Variants in RCBTB1 observed in about 807,000 individuals in gnomAD.
The protein encoded by RCBTB1 is RCC1 and BTB domain containing protein 1.
Under a neutral mutation model 62.4 loss-of-function variants are expected in RCBTB1, and 46 were observed. The ratio of observed to expected loss-of-function variants is 0.74; its 90% CI spans 0.58 to 0.94. RCBTB1 has a LOEUF of 0.94. Ranked by LOEUF, RCBTB1 falls within the 40% of genes least tolerant of loss-of-function variation. The pLI is 0.00. For synonymous variants in RCBTB1, 222 were observed against 245.8 expected (o/e 0.90, Z 0.91); for missense variants, 565 against 654.9 (o/e 0.86, Z 1.50).
intron 12 of RCBTB1, among the ~76,000 whole-genome samples, chr13:49,535,921 G>A (rs774059699): frequency 6.6e-6 from 1 of 151,868 alleles, no homozygotes; most frequent in African/African-American, 2.4e-5. Context: ...TACTCAGGAA[G>A]CTGAGGCAGG....
chr13:49,562,806 T>A (rs1179629361), intron 4 of RCBTB1, among the ~76,000 whole-genome samples: 1,017 of 74,196 alleles, frequency 0.014, 20 homozygotes, highest in African/African-American at 0.05. Context: ...TTTTTTTTTT[T>A]AAGAGACATG....
At chr13:49,564,763 C>T (rs1266074698) in intron 4 of RCBTB1, among the ~76,000 whole-genome samples, 13 of 151,434 alleles carry the variant, frequency 8.6e-5, no homozygotes, top group South Asian at 4.2e-4. Flanking sequence ...TGGTGGCGGG[C>T]GCCAGTAGTC....
chr13:49,536,279 A>G (rs574690415), intron 12 of RCBTB1, among the ~76,000 whole-genome samples: 1 of 152,344 alleles, frequency 6.6e-6, no homozygotes, highest in East Asian at 1.9e-4. Flanking sequence ...TGGTTGAGGC[A>G]GATCTATGTA....
At chr13:49,574,667 A>G (rs1237611150) in intron 2 of RCBTB1, among the ~76,000 whole-genome samples, 1 of 147,024 alleles carries the variant, frequency 6.8e-6, no homozygotes, top group South Asian at 2.2e-4. Context: ...GCTATAGAAA[A>G]CCAGATGGTG....
In RCBTB1 at chr13:49,565,658, TGCCCGGCCGCCCCGTCTGA is replaced by T. The variant is rs796230496; in HGVS notation, c.277+941_277+959del. ...CCGTCTGGGAGGTGAGGAGCGTCTC[TGCCCGGCCGCCCCGTCTGA>T]GAAGTGAGGAGCCCCTCCACCCGGC... On this transcript the variant is annotated intron_variant, in intron 4 of 12. Coordinates refer to ENST00000378302, the MANE Select transcript of RCBTB1 (RefSeq NM_018191.4). Among the ~76,000 whole-genome samples, 437 of 89,992 alleles carry T rather than the reference TGCCCGGCCGCCCCGTCTGA, an allele frequency of 4.9e-3. 53 individuals are homozygous for T. Among genetic ancestry groups the T allele is most frequent in the African/African-American group, 0.017 (231 of 13,520 alleles). 59.0% of individuals were successfully genotyped at this position (89,992 alleles called of 152,430 possible). A position where few individuals can be genotyped will look rare whatever the true frequency, so the allele number is the denominator to read the frequency against.
chr13:49,540,676 GA>G (rs1320182832), intron 12 of RCBTB1, among the ~76,000 whole-genome samples, 199 bp downstream of exon 12: 2 of 152,362 alleles, frequency 1.3e-5, no homozygotes, highest in Middle Eastern at 3.4e-3. Flanking sequence ...ACTTAGAAAT[GA>G]AAGTAGAGGA....
intron 6 of RCBTB1, among the ~76,000 whole-genome samples, chr13:49,553,536 G>C (rs762637010): frequency 6.6e-6 from 1 of 152,156 alleles, no homozygotes; most frequent in Non-Finnish European, 1.5e-5. Context: ...GAAAGTAACA[G>C]AGCTAGGCAT....
At chr13:49,543,982 G>C (rs6561540) in intron 10 of RCBTB1, among the ~76,000 whole-genome samples, 129,258 of 152,254 alleles carry the variant, frequency 0.85, 55,003 homozygotes, top group East Asian at 0.9. Flanking sequence ...CCACCATGCT[G>C]AGCCTAGAAC....
rs945471627 is a variant in RCBTB1, at chr13:49,567,950, G to C, written c.-41-630C>G. On this transcript the variant is annotated intron_variant, in intron 2 of 12. Transcript: ENST00000378302. ...GAGGACAAGTAAAAGATTTGACAGG[G>C]GAGTAATACATGAAAATGGGAAAAA... is the stretch of plus-strand genomic sequence containing the variant. 4.6e-4 allele frequency among the ~76,000 whole-genome samples: 70 copies of C among 152,142 alleles called. 2 individuals carry two copies. Among genetic ancestry groups the C allele is most frequent in the Non-Finnish European group, 1.5e-5 (1 of 68,032 alleles).
At chr13:49,556,917 C>T (rs950093289) in intron 5 of RCBTB1, among the ~76,000 whole-genome samples, 12 of 152,204 alleles carry the variant, frequency 7.9e-5, no homozygotes, top group Non-Finnish European at 2.9e-5. Context: ...AGCAATCATT[C>T]TTCTGGCACT....
At chr13:49,558,290 T>C (rs1962113353) in intron 5 of RCBTB1, among the ~76,000 whole-genome samples, 1 of 152,176 alleles carries the variant, frequency 6.6e-6, no homozygotes, top group South Asian at 2.1e-4. Flanking sequence ...TCCCACCTGG[T>C]GTCCTGCGCT....
At chr13:49,550,418 C>A (rs1015283898) in intron 8 of RCBTB1, 116 of 984,104 alleles carry the variant, frequency 1.2e-4, no homozygotes, top group Non-Finnish European at 1.4e-4. Flanking sequence ...TACTATATTT[C>A]TCAGTAGTAT....
chr13:49,574,112 A>T (rs1197571645), intron 2 of RCBTB1, among the ~76,000 whole-genome samples: 1 of 143,094 alleles, frequency 7.0e-6, no homozygotes, highest in African/African-American at 2.6e-5. Flanking sequence ...TATAGTCCCA[A>T]ATTTCTTTTT....
chr13:49,535,257 A>G (rs1031851056), intron 12 of RCBTB1, among the ~76,000 whole-genome samples: 1 of 152,144 alleles, frequency 6.6e-6, no homozygotes, highest in African/African-American at 2.4e-5. Context: ...AACCAGAACC[A>G]TTTCAAAATC....
At chr13:49,537,837 T>A (rs1960052623) in intron 12 of RCBTB1, 1 of 152,226 alleles carries the variant, frequency 6.6e-6, no homozygotes, top group African/African-American at 2.4e-5. Context: ...TCATAACACG[T>A]TCATAGCAAG....
intron 6 of RCBTB1, among the ~76,000 whole-genome samples, chr13:49,554,847 A>G (rs1382062524): frequency 6.6e-6 from 1 of 152,224 alleles, no homozygotes; most frequent in Non-Finnish European, 1.5e-5. Context: ...GTTGGGGACC[A>G]CTGCCCAAGC....
At chr13:49,542,706 C>CT (rs1359446402) in intron 10 of RCBTB1, among the ~76,000 whole-genome samples, 2,442 of 143,614 alleles carry the variant, frequency 0.017, 49 homozygotes, top group African/African-American at 0.05. Context: ...GCCATCACTC[C>CT]TTTTTTTTTT....
chr13:49,550,438 G>A (rs1396752932), intron 8 of RCBTB1: 3 of 984,170 alleles, frequency 3.0e-6, no homozygotes, highest in Non-Finnish European at 3.6e-6. Context: ...TGCTTCTTGG[G>A]TAAGGTCTCA....
intron 10 of RCBTB1, among the ~76,000 whole-genome samples, chr13:49,542,686 C>A (rs892035597): frequency 5.3e-5 from 8 of 151,232 alleles, no homozygotes; most frequent in African/African-American, 1.9e-4. Flanking sequence ...TCTGACTTAT[C>A]GTCAAAACAG....
Sources: gnomAD v4.1 joint callset for allele counts (sites outside exome capture counted in the v4.1 genomes callset) on GRCh38, gnomAD v4.1.1 for gene constraint, MANE v1.5 for transcripts, NCBI Gene and HGNC (gene_info 2026-07-23, HGNC 2026-07-21) for gene names.